The following RNF10 variants were observed in gnomAD, a reference collection of about 807,000 sequenced individuals.
The protein encoded by RNF10 is ring finger protein 10, also known as E3 ubiquitin-protein ligase RNF10.
RNF10 carries 38 observed loss-of-function variants against 91.4 expected under a neutral mutation model. That is an observed-to-expected ratio of 0.42 (90% CI 0.32 to 0.54). The LOEUF is 0.54. Among genes scored for constraint, RNF10 ranks in the 20% least tolerant of loss-of-function variants. RNF10 has a pLI of 0.16. For synonymous variants in RNF10, 364 were observed against 366.3 expected (o/e 0.99, Z 0.07); for missense variants, 945 against 1,012.0 (o/e 0.93, Z 0.90).
intron 9 of RNF10, 78 bp downstream of exon 9, chr12:120,563,701 C>T: frequency 6.4e-7 from 1 of 1,574,474 alleles, no homozygotes; most frequent in Non-Finnish European, 8.6e-7. Context: ...CAGAGGAGCG[C>T]CACTAGATCC....
At chr12:120,546,722 C>T (rs1048967272) in intron 2 of RNF10, 121 bp downstream of exon 2, 47 of 855,624 alleles carry the variant, frequency 5.5e-5, no homozygotes, top group Non-Finnish European at 2.2e-5. Context: ...ATAATCAAAG[C>T]AGTCTTGAGT....
At chr12:120,554,438 G>T (rs945930335) in intron 3 of RNF10, 18 of 347,072 alleles carry the variant, frequency 5.2e-5, no homozygotes, top group Admixed American at 9.2e-5. Context: ...ATGGAGTCAC[G>T]GTCTAGGTTA....
chr12:120,540,858 T>C (rs1871447455), intron 1 of RNF10, among the ~76,000 whole-genome samples: 1 of 81,910 alleles, frequency 1.2e-5, no homozygotes. Context: ...TACTTTCTTT[T>C]TTTTTTTTTT....
At chr12:120,545,483 C>T (rs930929181) in intron 1 of RNF10, among the ~76,000 whole-genome samples, 3 of 151,814 alleles carry the variant, frequency 2.0e-5, no homozygotes, top group South Asian at 2.1e-4. Context: ...TGAGCCACCG[C>T]GCCTGGCCAT....
chr12:120,563,860 G>A lies in RNF10; in HGVS notation c.1582G>A (p.Val528Met), dbSNP rs747984548. The change falls in exon 10 of 17, where the codon GTG becomes ATG. Residue 528 changes from valine to methionine, a missense_variant. Val to Met is a conservative substitution (Grantham distance 21). Transcript: ENST00000325954. The part of the protein sequence containing the change: ...FLHPVNVRCL[V>M]REYGSLERSP... Reference sequence around the variant, plus strand: ...GCACCCTGTGAATGTGCGCTGCCTCGTGCGGGAGTACGGCAGCCTGGAGAG... The same window carrying A: ...GCACCCTGTGAATGTGCGCTGCCTCATGCGGGAGTACGGCAGCCTGGAGAG... 19 of 1,614,142 alleles carry A rather than the reference G, an allele frequency of 1.2e-5. No homozygotes were observed. The highest frequency in any genetic ancestry group is 5.0e-5 in the Admixed American group (3 of 60,012).
At chr12:120,542,068 A>G (rs1471932286) in intron 1 of RNF10, among the ~76,000 whole-genome samples, 1 of 151,404 alleles carries the variant, frequency 6.6e-6, no homozygotes, top group Non-Finnish European at 1.5e-5. Context: ...GGGTTTCACC[A>G]TGTTAGCCAG....
At chr12:120,571,447 C>T (rs776599447) in intron 14 of RNF10, among the ~76,000 whole-genome samples, 156 bp downstream of exon 14, 132 of 152,228 alleles carry the variant, frequency 8.7e-4, no homozygotes, top group Non-Finnish European at 1.6e-3. Flanking sequence ...AACTGCCTGT[C>T]GGAGCTTTAT....
rs1229240022 is a variant in RNF10, at chr12:120,576,963, C to T, written c.*297C>T. ...CCATGTGTAATTAATTTTTCTCAACCCAAAGTAAGATTGAGTCCCCTTTGA... is the reference window on the plus strand; with the variant it reads ...CCATGTGTAATTAATTTTTCTCAACTCAAAGTAAGATTGAGTCCCCTTTGA... On this transcript the variant is annotated 3_prime_UTR_variant, in exon 17 of 17. Coordinates refer to ENST00000325954, the MANE Select transcript of RNF10 (RefSeq NM_014868.5). 1.1e-5 allele frequency: 4 copies of T among 372,424 alleles called. No homozygotes were observed. Among genetic ancestry groups the T allele is most frequent in the Non-Finnish European group, 2.0e-5 (4 of 198,328 alleles). 23.1% of individuals were successfully genotyped at this position (372,424 alleles called of 1,614,324 possible).
intron 4 of RNF10, among the ~76,000 whole-genome samples, chr12:120,556,000 G>C (rs1873943222): frequency 6.6e-6 from 1 of 151,532 alleles, no homozygotes; most frequent in African/African-American, 2.4e-5. Flanking sequence ...TGTTGTCCAG[G>C]CTTGTCTCAA....
chr12:120,539,132 GA>G (rs1228301962), intron 1 of RNF10, among the ~76,000 whole-genome samples: 8 of 152,144 alleles, frequency 5.3e-5, no homozygotes, highest in Non-Finnish European at 8.8e-5. Flanking sequence ...GCATTTTACA[GA>G]AGTTTTCTTT....
At chr12:120,562,880 G>T in intron 7 of RNF10, 65 bp from the exon 8 acceptor site, 2 of 1,605,236 alleles carry the variant, frequency 1.2e-6, no homozygotes, top group South Asian at 1.1e-5. Context: ...CTAAGCCCTT[G>T]CCCTTCAAGC....
chr12:120,553,030 G>T (rs1190326771), intron 3 of RNF10, among the ~76,000 whole-genome samples: 1 of 130,892 alleles, frequency 7.6e-6, no homozygotes, highest in Non-Finnish European at 1.6e-5. Flanking sequence ...TTATAAGGAA[G>T]AGGAAAGGTT....
intron 1 of RNF10, among the ~76,000 whole-genome samples, chr12:120,540,098 G>T (rs1488243146): frequency 4.0e-5 from 6 of 149,524 alleles, no homozygotes; most frequent in African/African-American, 7.4e-5. Flanking sequence ...AAAAATAGGG[G>T]TGTGTGGGGC....
At chr12:120,561,426 A>G (rs1874823994) in intron 7 of RNF10, among the ~76,000 whole-genome samples, 1 of 152,138 alleles carries the variant, frequency 6.6e-6, no homozygotes, top group Admixed American at 6.5e-5. Flanking sequence ...ACTTTGAGAT[A>G]TTGATTGCAT....
chr12:120,554,780 T>C lies in RNF10; in HGVS notation c.617T>C (p.Leu206Ser). ...YTAHFADPDT[L>S]VNWDFVEQVR... Reference sequence around the variant, plus strand: ...GCTCATTTTGCTGATCCTGATACATTAGTTAACTGGGACTTTGTGGAACAA... The same window carrying C: ...GCTCATTTTGCTGATCCTGATACATCAGTTAACTGGGACTTTGTGGAACAA... The change falls in exon 4 of 17, where the codon TTA (leucine) becomes TCA (serine). Residue 206 changes from leucine (L) to serine (S), a missense_variant. By Grantham distance (145) the Leu-to-Ser change is moderately radical (BLOSUM62 -2). Transcript: ENST00000325954. The C allele has an allele frequency of 1.2e-6, 2 of 1,614,078 alleles. No homozygotes were observed. The highest frequency in any genetic ancestry group is 1.7e-6 in the Non-Finnish European group (2 of 1,179,930).
chr12:120,552,168 G>A (rs888643958), intron 2 of RNF10, among the ~76,000 whole-genome samples: 2 of 151,550 alleles, frequency 1.3e-5, no homozygotes, highest in Non-Finnish European at 2.9e-5. Context: ...GCTGAGGTGA[G>A]TGGATCACCT....
chr12:120,566,164 T>A (rs1287103399), intron 12 of RNF10, among the ~76,000 whole-genome samples: 3 of 152,210 alleles, frequency 2.0e-5, no homozygotes, highest in Non-Finnish European at 2.9e-5. Flanking sequence ...GACAAGTGTA[T>A]ACTTGGGGTC....
At chr12:120,567,656 G>T (rs1875960622) in intron 13 of RNF10, among the ~76,000 whole-genome samples, 1 of 150,056 alleles carries the variant, frequency 6.7e-6, no homozygotes, top group Non-Finnish European at 1.5e-5. Flanking sequence ...AGACAAGGTT[G>T]CGTCACTGCA....
intron 13 of RNF10, among the ~76,000 whole-genome samples, chr12:120,568,774 C>T (rs1207426141): frequency 1.3e-5 from 2 of 151,978 alleles, no homozygotes; most frequent in East Asian, 1.9e-4. Flanking sequence ...CTGTGCCCAG[C>T]CTGTTTGTTT....
Sources: gnomAD v4.1 joint callset for allele counts (sites outside exome capture counted in the v4.1 genomes callset) on GRCh38, gnomAD v4.1.1 for gene constraint, MANE v1.5 for transcripts, NCBI Gene and HGNC (gene_info 2026-07-23, HGNC 2026-07-21) for gene names.